GABBR2: variants seen among roughly 807,000 people sequenced by gnomAD.
The protein encoded by GABBR2 is gamma-aminobutyric acid type B receptor subunit 2.
Under a neutral mutation model 105.6 loss-of-function variants are expected in GABBR2, and 23 were observed. The ratio of observed to expected loss-of-function variants is 0.22; its 90% confidence interval spans 0.16 to 0.31. GABBR2 has a LOEUF of 0.31. Ranked by LOEUF, GABBR2 falls within the 10% of genes least tolerant of loss-of-function variation. The pLI, the probability that GABBR2 is intolerant of heterozygous loss-of-function variation, is 1.00. For missense variants in GABBR2, 734 were observed against 1,245.5 expected (o/e 0.59, Z 6.18); for synonymous variants, 478 against 499.7 (o/e 0.96, Z 0.58).
intron 3 of GABBR2, among the ~76,000 whole-genome samples, chr9:98,533,161 G>A (rs1052549246): frequency 9.2e-5 from 14 of 152,202 alleles, no homozygotes; most frequent in Admixed American, 2.6e-4. Flanking sequence ...CCCTTGCCAA[G>A]TTGCCATCTG....
chr9:98,670,352 G>A (rs1030435076), intron 1 of GABBR2, among the ~76,000 whole-genome samples: 2 of 151,972 alleles, frequency 1.3e-5, no homozygotes. Flanking sequence ...AAGTGTTGAT[G>A]AGGACATAGA....
chr9:98,675,446 G>A (rs1000588877), intron 1 of GABBR2, among the ~76,000 whole-genome samples: 4 of 152,144 alleles, frequency 2.6e-5, no homozygotes, highest in East Asian at 1.9e-4. Flanking sequence ...GGGAGTCAGC[G>A]GACACAGGGG....
intron 6 of GABBR2, among the ~76,000 whole-genome samples, chr9:98,468,931 A>G (rs1564081706): frequency 1.3e-5 from 2 of 152,178 alleles, no homozygotes; most frequent in African/African-American, 4.8e-5. Flanking sequence ...AGGGGCGCTG[A>G]GTTGGGATTA....
chr9:98,342,472 A>T (rs981494721), intron 13 of GABBR2, among the ~76,000 whole-genome samples: 1 of 152,066 alleles, frequency 6.6e-6, no homozygotes, highest in African/African-American at 2.4e-5. Context: ...GGAAAATTTT[A>T]AACAGGAGAA....
chr9:98,338,989 A>G (rs1831162872), intron 13 of GABBR2, among the ~76,000 whole-genome samples: 1 of 152,252 alleles, frequency 6.6e-6, no homozygotes, highest in Admixed American at 6.5e-5. Flanking sequence ...GGAACCTTGA[A>G]AACATTACGC....
At chr9:98,609,309 TCA>T (rs1402145399) in intron 1 of GABBR2, among the ~76,000 whole-genome samples, 3 of 152,120 alleles carry the variant, frequency 2.0e-5, no homozygotes, top group African/African-American at 7.2e-5. Flanking sequence ...GTGCCCTACA[TCA>T]CAGTCATCTT....
intron 13 of GABBR2, among the ~76,000 whole-genome samples, chr9:98,343,820 T>C (rs1208898070): frequency 6.6e-6 from 1 of 151,390 alleles, no homozygotes; most frequent in Non-Finnish European, 1.5e-5. Flanking sequence ...ATTGCCCCAC[T>C]GCACTCCAGC....
intron 3 of GABBR2, 112 bp downstream of exon 3, chr9:98,541,761 A>C: frequency 1.1e-6 from 1 of 925,106 alleles, no homozygotes; most frequent in Non-Finnish European, 1.6e-6. Flanking sequence ...ACTAACCAAC[A>C]CATGCTTAAA....
chr9:98,702,558 G>C (rs900509615), intron 1 of GABBR2, among the ~76,000 whole-genome samples: 1 of 152,090 alleles, frequency 6.6e-6, no homozygotes, highest in Non-Finnish European at 1.5e-5. Flanking sequence ...CCCACCTTCC[G>C]GACACAGCAT....
intron 1 of GABBR2, among the ~76,000 whole-genome samples, chr9:98,597,337 A>G (rs888183964): frequency 1.7e-4 from 26 of 152,240 alleles, no homozygotes; most frequent in African/African-American, 5.8e-4. Context: ...GACAACATGC[A>G]TGGGCTGAGT....
At chr9:98,436,380 T>G (rs1366046260) in intron 7 of GABBR2, among the ~76,000 whole-genome samples, 4 of 53,480 alleles carry the variant, frequency 7.5e-5, no homozygotes, top group African/African-American at 4.3e-4. Flanking sequence ...TATATATATA[T>G]ATATATATAT....
At chr9:98,577,199 AATGGATGG>A (rs766802691) in intron 2 of GABBR2, among the ~76,000 whole-genome samples, 13 of 111,284 alleles carry the variant, frequency 1.2e-4, no homozygotes, top group Non-Finnish European at 2.1e-4. Context: ...TGGATAGGTG[AATGGATGG>A]ATGGATGGAT....
rs1464374792 is a variant in GABBR2, at chr9:98,454,412, C to A, written c.1000-195G>T. Reference sequence around the variant, plus strand: ...ACTGTTATTGTCCCCATTTTACAGACCCCCCATTTTCAGGGGGGTCAACTT... The same window carrying A: ...ACTGTTATTGTCCCCATTTTACAGAACCCCCATTTTCAGGGGGGTCAACTT... On this transcript the variant is annotated intron_variant, in intron 6 of 18. Transcript: ENST00000259455. This position sits in a 1 kb window ranked among gnomAD's most constrained non-coding sequence, Gnocchi z 4.6. 6.6e-6 allele frequency among the ~76,000 whole-genome samples: 1 copy of A among 152,096 alleles called. No individual in the cohort carries two copies. Among genetic ancestry groups the A allele is most frequent in the South Asian group, 2.1e-4 (1 of 4,816 alleles).
At chr9:98,604,848 C>T (rs555136753) in intron 1 of GABBR2, among the ~76,000 whole-genome samples, 4 of 152,320 alleles carry the variant, frequency 2.6e-5, no homozygotes, top group Admixed American at 6.5e-5. Flanking sequence ...CCTGAGGACT[C>T]ACAACTAGTT....
At position 98,659,526 on chromosome 9, in the gene GABBR2, C is replaced by CTTT. The variant is rs149511264; in HGVS notation, c.321+48888_321+48890dup. Among the ~76,000 whole-genome samples the CTTT allele has an allele frequency of 5.4e-4, 19 of 35,198 alleles. 2 individuals are homozygous for CTTT. In the South Asian group the frequency reaches 0.017, roughly 32 times the overall value. The allele number at this position is 35,198 out of a possible 152,430, so 23.1% of individuals were successfully genotyped here. The stretch of plus-strand genomic sequence containing the variant: ...AACCTTTTTTCTTTTCTTTTCTTTT[C>CTTT]TTTTTTTTTTTTTTTGACTGAGTCT... On this transcript the variant is annotated intron_variant, in intron 1 of 18. Transcript: ENST00000259455.
chr9:98,376,616 A>G (rs10760292), intron 11 of GABBR2, among the ~76,000 whole-genome samples: 63,430 of 152,020 alleles, frequency 0.42, 15,698 homozygotes, highest in African/African-American at 0.7. Context: ...TCCAGGGCCC[A>G]TCTTGTCTTC....
intron 6 of GABBR2, among the ~76,000 whole-genome samples, chr9:98,472,306 C>T (rs372236939): frequency 5.3e-5 from 8 of 152,160 alleles, no homozygotes; most frequent in African/African-American, 1.9e-4. Flanking sequence ...GAATGGTGTG[C>T]TTTGGAAATA....
intron 1 of GABBR2, among the ~76,000 whole-genome samples, chr9:98,645,320 G>A (rs956745814): frequency 2.0e-5 from 3 of 152,170 alleles, no homozygotes; most frequent in African/African-American, 4.8e-5. Flanking sequence ...AAAGCATAGC[G>A]TCCAGCCTTG....
At chr9:98,590,494 C>T (rs1829131698) in intron 1 of GABBR2, among the ~76,000 whole-genome samples, 1 of 152,226 alleles carries the variant, frequency 6.6e-6, no homozygotes, top group Admixed American at 6.5e-5. Flanking sequence ...ACTGCGTTTC[C>T]TAATTAGCTG....
Sources: allele counts gnomAD v4.1 joint callset (sites outside exome capture counted in the v4.1 genomes callset), GRCh38; gene constraint gnomAD v4.1.1; non-coding constraint Gnocchi (gnomAD v3.1); transcripts MANE v1.5; gene names NCBI Gene and HGNC (gene_info 2026-07-23, HGNC 2026-07-21).